ZAN: variants seen among roughly 807,000 people sequenced by gnomAD.
ZAN encodes the protein zonadhesin.
A neutral mutation model predicts 286.2 loss-of-function variants in ZAN; 260 were observed. The observed-to-expected ratio is 0.91, with a 90% CI of 0.82 to 1.01. ZAN has a LOEUF of 1.01. Among genes scored for constraint, ZAN ranks in the 50% least tolerant of loss-of-function variants. The pLI is 0.00. For missense variants in ZAN, 3,410 were observed against 3,639.2 expected, an observed-to-expected ratio of 0.94 and a Z score of 1.62; for synonymous variants, 1,368 against 1,417.5, an observed-to-expected ratio of 0.97 and a Z score of 0.79.
Position 100,773,349 on chromosome 7 carries a change from C to T in ZAN, c.5490C>T (p.Ser1830=), listed in dbSNP as rs117670367. The T allele has an allele frequency of 0.014, 22,221 of 1,613,970 alleles. 190 individuals carry two copies. Among genetic ancestry groups the T allele is most frequent in the Non-Finnish European group, 0.017 (19,852 of 1,179,884 alleles). Reference sequence around the variant, plus strand: ...GCAGCCCCTGCCCAGACACCTGCAGCAGCATAAACAACCCGAGGGACTGCC... The same window carrying T: ...GCAGCCCCTGCCCAGACACCTGCAGTAGCATAAACAACCCGAGGGACTGCC... ...PCSSPCPDTC[S]SINNPRDCPK... is the part of the protein sequence containing the mutation. Residue 1830 remains serine (S), a synonymous_variant, in exon 30 of 48, where the codon AGC becomes AGT. Transcript: ENST00000613979.
At chr7:100,776,657 T>G in intron 34 of ZAN, 93 bp downstream of exon 34, 5 of 714,578 alleles carry the variant, frequency 7.0e-6, no homozygotes, top group Admixed American at 6.6e-5. Context: ...TCCCCTCCCC[T>G]CCCCTCCCCT....
At chr7:100,764,257 C>T in intron 22 of ZAN, 61 bp downstream of exon 22, 2 of 1,440,866 alleles carry the variant, frequency 1.4e-6, no homozygotes, top group Middle Eastern at 2.3e-4. Context: ...ATAATCCCAG[C>T]ACTTTGGGAG....
intron 29 of ZAN, among the ~76,000 whole-genome samples, chr7:100,772,931 G>A (rs1293096241): frequency 6.7e-6 from 1 of 150,050 alleles, no homozygotes; most frequent in African/African-American, 2.4e-5. Flanking sequence ...GAGTGCAGTG[G>A]TCTGACCTCG....
At position 100,794,028 on chromosome 7, in the gene ZAN, G is replaced by A; in HGVS notation, c.7986+10G>A. 6.2e-7 allele frequency: 1 copy of A among 1,612,462 alleles called. No individual in the cohort carries two copies. The highest frequency in any genetic ancestry group is 8.5e-7 in the Non-Finnish European group (1 of 1,179,304). On this transcript the variant is annotated intron_variant, in intron 43 of 47. Coordinates refer to ENST00000613979, the MANE Select transcript of ZAN (RefSeq NM_003386.3). Reference sequence around the variant, plus strand: ...TGGCATCTACTACCAGGTCTGAGCTGGCAGCAGGAGGCCCTGGGGAGCAGA... The same window carrying A: ...TGGCATCTACTACCAGGTCTGAGCTAGCAGCAGGAGGCCCTGGGGAGCAGA...
In ZAN at chr7:100,784,690, C is replaced by A. The variant is rs778181433; in HGVS notation, c.6690C>A (p.Asp2230Glu). ...CLPSCSPSCW[D>E]LDGRCEGAKV... ...CCTCCTGCTCACCCTCCTGCTGGGA[C>A]CTGGATGGCCGGTGTGAGGGCGCCA... Residue 2230 changes from aspartate (D) to glutamate (E), a missense_variant, in exon 36 of 48, where the codon GAC (aspartate) becomes GAA (glutamate). Physicochemically the swap from Asp to Glu is conservative, Grantham distance 45. Transcript: ENST00000613979. The A allele has an allele frequency of 1.9e-6, 3 of 1,613,826 alleles. No individual in the cohort carries two copies. The highest frequency in any genetic ancestry group is 1.1e-5 in the South Asian group (1 of 91,088).
chr7:100,797,366 C>T lies in ZAN; in HGVS notation c.8267C>T (p.Ala2756Val). The T allele has an allele frequency of 6.2e-7, 1 of 1,613,710 alleles. No individual in the cohort carries two copies. The highest frequency in any genetic ancestry group is 8.5e-7 in the Non-Finnish European group (1 of 1,179,694). ...AATGTCTCTTCCCCGCACCCAGAAG[C>T]ATCTAACCTGGTGGGCGTCCTACTG... ...PRDAPPPRKPASNLVGVLLGL... is the reference protein window; with the variant it reads ...PRDAPPPRKPVSNLVGVLLGL... Residue 2756 changes from alanine (A) to valine (V), a missense_variant and splice_region_variant, in exon 46 of 48, where the codon GCA becomes GTA. By Grantham distance (64) the Ala-to-Val change is moderately conservative (BLOSUM62 0). Around this residue, in one of 7 missense-constraint regions of ZAN, gnomAD observed 1,289 missense variants for 1,314.3 expected, o/e 0.98. Coordinates refer to ENST00000613979, the MANE Select transcript of ZAN (RefSeq NM_003386.3).
At chr7:100,774,729 G>A (rs1296481630) in intron 31 of ZAN, among the ~76,000 whole-genome samples, 1 of 151,876 alleles carries the variant, frequency 6.6e-6, no homozygotes, top group Non-Finnish European at 1.5e-5. Context: ...TGGAGGCTGA[G>A]GTAGGAGGAC....
In ZAN at chr7:100,762,309, A is replaced by G; in HGVS notation, c.3937A>G (p.Lys1313Glu). The change falls in exon 20 of 48, where the codon AAG becomes GAG. Residue 1313 changes from lysine to glutamate, a missense_variant. Coordinates refer to ENST00000613979, the MANE Select transcript of ZAN (RefSeq NM_003386.3). ...GTTGGACGGCAGCCCAGCAGGAGACAAGGAGGAGCTGGGGAACAGCTGGCA... is the reference window on the plus strand; with the variant it reads ...GTTGGACGGCAGCCCAGCAGGAGACGAGGAGGAGCTGGGGAACAGCTGGCA... ...LKLDGSPAGD[K>E]EELGNSWQTD... is the part of the protein sequence containing the mutation. 6.2e-7 allele frequency: 1 copy of G among 1,613,588 alleles called. No individual in the cohort carries two copies. Among genetic ancestry groups the G allele is most frequent in the Non-Finnish European group, 8.5e-7 (1 of 1,179,702 alleles).
chr7:100,776,357 C>T (rs924674718), intron 33 of ZAN, 83 bp from the exon 34 acceptor site: 24 of 1,471,080 alleles, frequency 1.6e-5, no homozygotes, highest in Middle Eastern at 1.8e-4. Context: ...AAACTGCTCT[C>T]GTGAGGGAAG....
chr7:100,754,270 A>G (rs1409978108), intron 14 of ZAN, among the ~76,000 whole-genome samples: 1 of 151,960 alleles, frequency 6.6e-6, no homozygotes, highest in Non-Finnish European at 1.5e-5. Context: ...CATCCTGGCT[A>G]ACACAGTGAA....
chr7:100,766,685 A>G lies in ZAN; in HGVS notation c.4612+19A>G, dbSNP rs1809998978. The G allele has an allele frequency of 6.4e-7, 1 of 1,561,184 alleles. No homozygotes were observed. The highest frequency in any genetic ancestry group is 1.9e-5 in the Admixed American group (1 of 52,180). ...GCCCAAGGTGAGCCATCAGGGTGGA[A>G]GGTGAGCTGGGGGCTGCCCAGGCAA... On this transcript the variant is annotated intron_variant, in intron 24 of 47. Transcript: ENST00000613979.
chr7:100,776,669 C>A, intron 34 of ZAN, 105 bp downstream of exon 34: 2 of 715,458 alleles, frequency 2.8e-6, no homozygotes, highest in Non-Finnish European at 3.9e-6. Flanking sequence ...CCCTCCCCTT[C>A]CTTCCTTTCT....
At chr7:100,746,215 G>C (rs1315906228) in intron 7 of ZAN, among the ~76,000 whole-genome samples, 1 of 152,052 alleles carries the variant, frequency 6.6e-6, no homozygotes, top group Non-Finnish European at 1.5e-5. Flanking sequence ...TCCAGACTGG[G>C]CGACAGAGTG....
chr7:100,795,910 A>T (rs1046767383), intron 45 of ZAN, among the ~76,000 whole-genome samples: 1 of 151,174 alleles, frequency 6.6e-6, no homozygotes, highest in African/African-American at 2.4e-5. Flanking sequence ...CATCTAAAAA[A>T]AAATAAAAAA....
chr7:100,777,137 G>A (rs982811616), intron 34 of ZAN, among the ~76,000 whole-genome samples: 29 of 150,532 alleles, frequency 1.9e-4, no homozygotes, highest in African/African-American at 6.1e-4. Context: ...TCCGCCTCCC[G>A]GGCTCAAGTG....
Position 100,757,059 on chromosome 7 carries a change from C to T in ZAN, c.3310-1143C>T, listed in dbSNP as rs186924766. Among the ~76,000 whole-genome samples the T allele has an allele frequency of 2.2e-4, 34 of 152,334 alleles. No homozygotes were observed. In the East Asian group the frequency reaches 4.6e-3, roughly 21 times the overall value. Reference sequence around the variant, plus strand: ...TTGGGATTACAGGCGTGAGCCACCGCGCCTGGCTGTATTCACTTCTAATAG... The same window carrying T: ...TTGGGATTACAGGCGTGAGCCACCGTGCCTGGCTGTATTCACTTCTAATAG... On this transcript the variant is annotated intron_variant, in intron 15 of 47. Transcript: ENST00000613979.
intron 20 of ZAN, among the ~76,000 whole-genome samples, 192 bp downstream of exon 20, chr7:100,762,550 C>T (rs909002369): frequency 1.3e-5 from 2 of 151,464 alleles, no homozygotes; most frequent in Non-Finnish European, 2.9e-5. Flanking sequence ...CTCAGTCTCC[C>T]GAGTAGCTGG....
Position 100,753,192 on chromosome 7 carries a change from G to A in ZAN, c.3087G>A (p.Val1029=), listed in dbSNP as rs139434141. The A allele has an allele frequency of 6.2e-7, 1 of 1,606,714 alleles. No individual in the cohort carries two copies. Among genetic ancestry groups the A allele is most frequent in the African/African-American group, 1.3e-5 (1 of 74,696 alleles). ...CTCCAAGTACCCCTATGACCAGTGT[G>A]ATTCTGGGCACTACCACAACCTCCA... is the stretch of plus-strand genomic sequence containing the variant. ...PHAPSTPMTS[V]ILGTTTTSRS... is the part of the protein sequence containing the mutation. The change falls in exon 14 of 48, where the codon GTG becomes GTA. Residue 1029 remains valine, a synonymous_variant. Coordinates refer to ENST00000613979, the MANE Select transcript of ZAN (RefSeq NM_003386.3).
At chr7:100,733,990 A>G (rs985797521) in intron 1 of ZAN, 37 bp from the exon 2 acceptor site, 1 of 436,964 alleles carries the variant, frequency 2.3e-6, no homozygotes. Flanking sequence ...CTTCTACTGG[A>G]TGGTAACTTT....
Sources: gnomAD v4.1 joint callset for allele counts (sites outside exome capture counted in the v4.1 genomes callset) on GRCh38, gnomAD v4.1.1 for gene constraint, gnomAD v4.1.1 regional missense constraint, MANE v1.5 for transcripts, NCBI Gene and HGNC (gene_info 2026-07-23, HGNC 2026-07-21) for gene names.